The following ARHGAP44 variants were observed in gnomAD, a reference collection of about 807,000 sequenced individuals.
ARHGAP44 encodes rho GTPase-activating protein 44.
ARHGAP44 carries 43 observed loss-of-function variants against 106.8 expected under a neutral mutation model. That is an observed-to-expected ratio of 0.40 (90% CI 0.32 to 0.52). ARHGAP44 has a LOEUF of 0.52. ARHGAP44 is among the 20% of genes least tolerant of loss of function. The pLI is 0.48. For missense variants in ARHGAP44, 866 were observed against 1,050.5 expected, an observed-to-expected ratio of 0.82 and a Z score of 2.43; for synonymous variants, 439 against 410.3, an observed-to-expected ratio of 1.07 and a Z score of -0.85.
intron 1 of ARHGAP44, among the ~76,000 whole-genome samples, chr17:12,886,337 A>G (rs1434529577): frequency 1.3e-5 from 2 of 152,180 alleles, no homozygotes; most frequent in African/African-American, 4.8e-5. Context: ...CAATTTTAGA[A>G]TCAATTTGTC....
At chr17:12,850,207 C>T (rs1475230749) in intron 1 of ARHGAP44, among the ~76,000 whole-genome samples, 1 of 152,120 alleles carries the variant, frequency 6.6e-6, no homozygotes, top group Admixed American at 6.5e-5. Context: ...AAAGTGTAGA[C>T]TGATGAAGGA....
chr17:12,913,506 TGGAAAC>T (rs553106985), intron 4 of ARHGAP44, among the ~76,000 whole-genome samples: 204 of 152,110 alleles, frequency 1.3e-3, no homozygotes, highest in Non-Finnish European at 2.1e-3. Context: ...GGAGGGGAAA[TGGAAAC>T]GGAAACATAG....
At chr17:12,956,780 G>C in intron 15 of ARHGAP44, 34 bp downstream of exon 15, 1 of 1,588,868 alleles carries the variant, frequency 6.3e-7, no homozygotes, top group Non-Finnish European at 8.6e-7. Flanking sequence ...GGGGCAAGAG[G>C]CAGGGAACAG....
At chr17:12,930,105 C>T (rs990861762) in intron 7 of ARHGAP44, among the ~76,000 whole-genome samples, 1 of 152,192 alleles carries the variant, frequency 6.6e-6, no homozygotes, top group South Asian at 2.1e-4. Context: ...TTTGTGAGTG[C>T]AGCTGATTTG....
chr17:12,896,078 G>A (rs762616857), intron 2 of ARHGAP44, among the ~76,000 whole-genome samples: 10 of 138,766 alleles, frequency 7.2e-5, no homozygotes, highest in East Asian at 2.2e-4. Flanking sequence ...ACAGGCTGGG[G>A]AACATCACAC....
chr17:12,933,682 A>G (rs1422979146), intron 7 of ARHGAP44, among the ~76,000 whole-genome samples: 1 of 152,220 alleles, frequency 6.6e-6, no homozygotes, highest in Non-Finnish European at 1.5e-5. Flanking sequence ...TGATGTAACA[A>G]TAGAGAAGAC....
chr17:12,845,259 C>T (rs1006453687), intron 1 of ARHGAP44, among the ~76,000 whole-genome samples: 1 of 152,000 alleles, frequency 6.6e-6, no homozygotes, highest in South Asian at 2.1e-4. Context: ...TTTATAATCC[C>T]AGCACTTTGG....
chr17:12,809,095 A>G (rs962111097), intron 1 of ARHGAP44, among the ~76,000 whole-genome samples: 3 of 152,186 alleles, frequency 2.0e-5, no homozygotes, highest in African/African-American at 7.2e-5. Context: ...AGCACGAGTC[A>G]CCTTTATTCC....
chr17:12,960,827 G>A (rs2039244909), intron 16 of ARHGAP44, among the ~76,000 whole-genome samples: 1 of 152,080 alleles, frequency 6.6e-6, no homozygotes, highest in African/African-American at 2.4e-5. Context: ...GCCTCCCAAA[G>A]TACTGGGATT....
chr17:12,880,126 C>G (rs1029711732), intron 1 of ARHGAP44, among the ~76,000 whole-genome samples: 1 of 151,866 alleles, frequency 6.6e-6, no homozygotes, highest in Non-Finnish European at 1.5e-5. Flanking sequence ...TTTTGTTTTT[C>G]ATCTTGTAGG....
Position 12,917,014 on chromosome 17 carries a change from C to T in ARHGAP44, c.387+1003C>T, listed in dbSNP as rs867378068. On this transcript the variant is annotated intron_variant, in intron 5 of 20. Coordinates refer to ENST00000379672, the MANE Select transcript of ARHGAP44 (RefSeq NM_014859.6). ...CATATTCGGATTTGAGATGCTCAAC[C>T]GGTAAATATGATGCAAATATTCCAA... Among the ~76,000 whole-genome samples, 38 of 152,202 alleles carry T rather than the reference C, an allele frequency of 2.5e-4. 1 individual carries two copies. The highest frequency in any genetic ancestry group is 6.8e-3 in the Middle Eastern group (2 of 294).
At chr17:12,926,422 GTATA>G (rs542968279) in intron 6 of ARHGAP44, among the ~76,000 whole-genome samples, 1 of 133,790 alleles carries the variant, frequency 7.5e-6, no homozygotes, top group Non-Finnish European at 1.6e-5. Flanking sequence ...TAATATATAT[GTATA>G]TATAATATAT....
Position 12,958,106 on chromosome 17 carries a change from A to G in ARHGAP44, c.1343-611A>G, listed in dbSNP as rs2039173270. Reference sequence around the variant, plus strand: ...CTGAGCTAATTCATTACCACTGCACACAGACAGAATTGTGCAGAGCTAATT... The same window carrying G: ...CTGAGCTAATTCATTACCACTGCACGCAGACAGAATTGTGCAGAGCTAATT... On this transcript the variant is annotated intron_variant, in intron 15 of 20. Coordinates refer to ENST00000379672, the MANE Select transcript of ARHGAP44 (RefSeq NM_014859.6). This position sits in a 1 kb window ranked among gnomAD's most constrained non-coding sequence, Gnocchi z 4.1. Among the ~76,000 whole-genome samples, 1 of 152,198 alleles carries G rather than the reference A, an allele frequency of 6.6e-6. No homozygotes were observed. The highest frequency in any genetic ancestry group is 6.5e-5 in the Admixed American group (1 of 15,286).
At chr17:12,821,390 A>G (rs2034766619) in intron 1 of ARHGAP44, among the ~76,000 whole-genome samples, 3 of 152,222 alleles carry the variant, frequency 2.0e-5, no homozygotes, top group Admixed American at 2.0e-4. Context: ...CACAAAATAA[A>G]AAAGTTCTAA....
intron 10 of ARHGAP44, among the ~76,000 whole-genome samples, chr17:12,948,883 T>A (rs1282596475): frequency 6.6e-6 from 1 of 152,162 alleles, no homozygotes; most frequent in African/African-American, 2.4e-5. Flanking sequence ...AGTAAATAGT[T>A]ACTGAGCCAG....
intron 7 of ARHGAP44, among the ~76,000 whole-genome samples, chr17:12,936,955 C>T (rs2038565932): frequency 6.6e-6 from 1 of 152,064 alleles, no homozygotes; most frequent in South Asian, 2.1e-4. Context: ...TGCTGAAAGG[C>T]GGACATGATG....
intron 1 of ARHGAP44, among the ~76,000 whole-genome samples, chr17:12,857,765 GTTAT>G (rs56164347): frequency 0.37 from 53,379 of 145,002 alleles, 9,924 homozygotes; most frequent in Middle Eastern, 0.45. Context: ...GGTTGCCCAT[GTTAT>G]TTATTTATTT....
At chr17:12,951,385 A>T (rs2038988942) in intron 12 of ARHGAP44, among the ~76,000 whole-genome samples, 1 of 152,232 alleles carries the variant, frequency 6.6e-6, no homozygotes, top group South Asian at 2.1e-4. Flanking sequence ...GTCCGGTTTC[A>T]GGGCCTTTAC....
At chr17:12,972,714 T>G (rs1363776961) in intron 16 of ARHGAP44, among the ~76,000 whole-genome samples, 4 of 149,748 alleles carry the variant, frequency 2.7e-5, no homozygotes, top group African/African-American at 7.4e-5. Context: ...CAGGCTGGAG[T>G]GCACCGTCGC....
Sources: allele counts gnomAD v4.1 joint callset (sites outside exome capture counted in the v4.1 genomes callset), GRCh38; gene constraint gnomAD v4.1.1; non-coding constraint Gnocchi (gnomAD v3.1); transcripts MANE v1.5; gene names NCBI Gene and HGNC (gene_info 2026-07-23, HGNC 2026-07-21).